Variants in FIBP observed in about 807,000 individuals in gnomAD.
The protein encoded by FIBP is acidic fibroblast growth factor intracellular-binding protein.
In FIBP, 29 loss-of-function variants were observed where a neutral mutation model predicts 40.5. That is an observed-to-expected ratio of 0.72 (90% CI 0.53 to 0.98). The LOEUF (loss-of-function observed/expected upper bound fraction) is 0.98, where lower values mean the gene tolerates loss of function less well. FIBP is among the 50% of genes least tolerant of loss of function. The pLI, the probability that FIBP is intolerant of heterozygous loss-of-function variation, is 0.00. For synonymous variants in FIBP, 215 were observed against 191.1 expected, an observed-to-expected ratio of 1.13 and a Z score of -1.03; for missense variants, 411 against 470.2, an observed-to-expected ratio of 0.87 and a Z score of 1.16.
In FIBP at chr11:65,887,784, C is replaced by T. The variant is rs770790148; in HGVS notation, c.285-58G>A. The T allele has an allele frequency of 1.8e-5, 27 of 1,522,432 alleles. 1 individual carries two copies. Among genetic ancestry groups the T allele is most frequent in the South Asian group, 1.7e-4 (15 of 86,688 alleles). 94.3% of individuals were successfully genotyped at this position (1,522,432 alleles called of 1,614,324 possible). ...ATAAAAGACAGGAAAGGGAGTCTGG[C>T]GGGGCCTAGCAGGGCCTAGGTCTGA... On this transcript the variant is annotated intron_variant, in intron 2 of 9. Transcript: ENST00000357519.
Position 65,888,101 on chromosome 11 carries a change from C to G in FIBP, c.117G>C (p.Ser39=), listed in dbSNP as rs747780320. 6.3e-7 allele frequency: 1 copy of G among 1,591,842 alleles called. No homozygotes were observed. The highest frequency in any genetic ancestry group is 8.5e-7 in the Non-Finnish European group (1 of 1,172,166). The change falls in exon 2 of 10, where the codon TCG becomes TCC. Residue 39 remains serine (S), a synonymous_variant. Coordinates refer to ENST00000357519, the MANE Select transcript of FIBP (RefSeq NM_004214.5). ...VTDAVALRVR[S]GILEQTGATA... ...TGGCGCCAGTCTGCTCCAGGATTCC[C>G]GAGCGCACCCGCAGGGCCACCGCGT...
rs757040640 is a variant in FIBP, at chr11:65,886,468, CTG to C, written c.412-48_412-47del. 46 of 1,283,726 alleles carry C rather than the reference CTG, an allele frequency of 3.6e-5. No individual in the cohort carries two copies. In the Admixed American group the frequency reaches 7.4e-4, roughly 21 times the overall value. The allele number at this position is 1,283,726 out of a possible 1,614,324, so 79.5% of individuals were successfully genotyped here. ...AAGAGAGGACTGGTCAGAGTGTACA[CTG>C]TGTCGCTCACCCAATAAACCACTTA... On this transcript the variant is annotated intron_variant, in intron 3 of 9. Transcript: ENST00000357519.
At position 65,887,705 on chromosome 11, in the gene FIBP, G is replaced by A; in HGVS notation, c.306C>T (p.Ala102=). The A allele has an allele frequency of 2.5e-6, 4 of 1,614,116 alleles. No homozygotes were observed. The highest frequency in any genetic ancestry group is 3.4e-6 in the Non-Finnish European group (4 of 1,180,034). The change falls in exon 3 of 10, where the codon GCC becomes GCT. Residue 102 remains alanine, a synonymous_variant. Transcript: ENST00000357519. ...TCTTGCCCAGCACCTCCCGAACAAA[G>A]GCCTCATCAAAGGCATAGTACCTTG... ...LIERYYAFDE[A]FVREVLGKKL...
intron 7 of FIBP, 81 bp downstream of exon 7, chr11:65,884,854 G>C: frequency 6.5e-7 from 1 of 1,537,798 alleles, no homozygotes. Context: ...CCAATCCCTG[G>C]CAGGGGCAGA....
intron 9 of FIBP, 37 bp downstream of exon 9, chr11:65,884,355 G>A: frequency 4.4e-6 from 7 of 1,590,826 alleles, no homozygotes; most frequent in Non-Finnish European, 6.0e-6. Context: ...GCAGGCTGGG[G>A]CAAAGCCAAG....
rs773506123 is a variant in FIBP, at chr11:65,887,915, C to T, written c.284+19G>A. On this transcript the variant is annotated intron_variant, in intron 2 of 9. Transcript: ENST00000357519. ...CAGTCAGACTGGTTGATGTCTCCAC[C>T]ATCCCAGAGGGTGAGCACCTCTCGA... 32 of 1,611,042 alleles carry T rather than the reference C, an allele frequency of 2.0e-5. No individual in the cohort carries two copies. The highest frequency in any genetic ancestry group is 2.6e-5 in the Non-Finnish European group (31 of 1,178,388).
At chr11:65,884,097 A>T in intron 9 of FIBP, 54 bp from the exon 10 acceptor site, 2 of 1,420,538 alleles carry the variant, frequency 1.4e-6, no homozygotes, top group South Asian at 2.3e-5. Flanking sequence ...ACCGTGATGG[A>T]GGCCCTGCCC....
At position 65,885,644 on chromosome 11, in the gene FIBP, A is replaced by C. The variant is rs758235991; in HGVS notation, c.532T>G (p.Phe178Val). ...GTCTCAAAGCGGTTGTTAGCAAAGA[A>C]GACGATGGCTGCATAGTCCCTGCAC... is the stretch of plus-strand genomic sequence containing the variant. The part of the protein sequence containing the change: ...RLARDYAAIV[F>V]FANNRFETGK... Residue 178 changes from phenylalanine (F) to valine (V), a missense_variant, in exon 5 of 10, where the codon TTC becomes GTC. Transcript: ENST00000357519. 39 of 1,613,952 alleles carry C rather than the reference A, an allele frequency of 2.4e-5. No homozygotes were observed. Among genetic ancestry groups the C allele is most frequent in the South Asian group, 8.8e-5 (8 of 91,076 alleles).
chr11:65,887,750 T>C (rs757569882), intron 2 of FIBP, 24 bp from the exon 3 acceptor site: 20 of 1,611,348 alleles, frequency 1.2e-5, no homozygotes, highest in Non-Finnish European at 1.6e-5. Flanking sequence ...AGAACACCAT[T>C]GACCCTCCAT....
intron 7 of FIBP, 111 bp downstream of exon 7, chr11:65,884,824 G>A: frequency 7.1e-7 from 1 of 1,399,186 alleles, no homozygotes; most frequent in Non-Finnish European, 1.0e-6. Flanking sequence ...ACCAGAGGGA[G>A]CAGCAGTGCC....
intron 5 of FIBP, 168 bp downstream of exon 5, chr11:65,885,362 G>A (rs1385239814): frequency 1.1e-6 from 1 of 948,388 alleles, no homozygotes; most frequent in African/African-American, 1.6e-5. Context: ...TTTGTCTGCA[G>A]ACAAGGTGTG....
At chr11:65,884,519 G>C in intron 8 of FIBP, 30 bp from the exon 9 acceptor site, 2 of 1,614,084 alleles carry the variant, frequency 1.2e-6, no homozygotes, top group Non-Finnish European at 1.7e-6. Flanking sequence ...CTTAGCACTT[G>C]TATAGGCCAG....
rs1485876311 is a variant in FIBP, at chr11:65,888,039, T to C, written c.179A>G (p.Tyr60Cys). 6 of 1,611,928 alleles carry C rather than the reference T, an allele frequency of 3.7e-6. No individual in the cohort carries two copies. In the African/African-American group the frequency reaches 8.0e-5, roughly 22 times the overall value. The part of the protein sequence containing the change: ...AVLQSDTMDH[Y>C]RTFHMLERLL... ...CCGCTCGAGCATGTGGAAGGTGCGG[T>C]AATGGTCCATGGTGTCGCTCTGCAG... The change falls in exon 2 of 10, where the codon TAC (tyrosine) becomes TGC (cysteine). Residue 60 changes from tyrosine (Y) to cysteine (C), a missense_variant. Coordinates refer to ENST00000357519, the MANE Select transcript of FIBP (RefSeq NM_004214.5).
In FIBP at chr11:65,888,069, G is replaced by C; in HGVS notation, c.149C>G (p.Ala50Gly). ...GTCCATGGTGTCGCTCTGCAGCACC[G>C]CTGCCGTGGCGCCAGTCTGCTCCAG... is the stretch of plus-strand genomic sequence containing the variant. ...GILEQTGATA[A>G]VLQSDTMDHY... is the part of the protein sequence containing the mutation. Residue 50 changes from alanine to glycine, a missense_variant, in exon 2 of 10, where the codon GCG becomes GGG. By Grantham distance (60) the Ala-to-Gly change is moderately conservative. Transcript: ENST00000357519. 1 of 1,607,164 alleles carries C rather than the reference G, an allele frequency of 6.2e-7. No individual in the cohort carries two copies. The highest frequency in any genetic ancestry group is 1.7e-5 in the Admixed American group (1 of 59,422).
chr11:65,886,190 AG>A (rs1860231870), intron 4 of FIBP, 131 bp downstream of exon 4: 28 of 502,832 alleles, frequency 5.6e-5, no homozygotes, highest in South Asian at 2.7e-4. Flanking sequence ...AAAAAAAAAA[AG>A]TACAGACCAA....
In FIBP at chr11:65,884,464, T is replaced by C. The variant is rs779920839; in HGVS notation, c.932A>G (p.His311Arg). 1.5e-5 allele frequency: 24 copies of C among 1,614,096 alleles called. No individual in the cohort carries two copies. The highest frequency in any genetic ancestry group is 1.9e-5 in the Non-Finnish European group (23 of 1,180,020). The part of the protein sequence containing the change: ...EKFVEPCRSD[H>R]WPLSDVRFFL... Reference sequence around the variant, plus strand: ...GAACCGCACGTCGCTGAGTGGCCAGTGGTCGGAGCGGCAGGGTTCCACAAA... The same window carrying C: ...GAACCGCACGTCGCTGAGTGGCCAGCGGTCGGAGCGGCAGGGTTCCACAAA... Residue 311 changes from histidine to arginine, a missense_variant, in exon 9 of 10, where the codon CAC becomes CGC. Physicochemically the swap from His to Arg is conservative, Grantham distance 29. Coordinates refer to ENST00000357519, the MANE Select transcript of FIBP (RefSeq NM_004214.5).
intron 4 of FIBP, 76 bp downstream of exon 4, chr11:65,886,246 T>C (rs1243339351): frequency 2.2e-6 from 2 of 898,552 alleles, no homozygotes. Flanking sequence ...GGTCAGAAGG[T>C]TTGGGGTAGG....
At chr11:65,887,041 C>T in intron 3 of FIBP, 1 of 222,120 alleles carries the variant, frequency 4.5e-6, no homozygotes, top group South Asian at 5.8e-5. Flanking sequence ...CCAAGGAGTG[C>T]AGCTGCTACC....
chr11:65,885,825 T>C, intron 4 of FIBP, 162 bp from the exon 5 acceptor site: 1 of 688,064 alleles, frequency 1.5e-6, no homozygotes, highest in Non-Finnish European at 2.4e-6. Flanking sequence ...TCCCCATCTG[T>C]GCGAAGAGAA....
Sources: gnomAD v4.1 joint callset for allele counts on GRCh38, gnomAD v4.1.1 for gene constraint, MANE v1.5 for transcripts, NCBI Gene and HGNC (gene_info 2026-07-23, HGNC 2026-07-21) for gene names.